Variants in BRWD3 observed in about 807,000 individuals in gnomAD.
The protein encoded by BRWD3 is bromodomain and WD repeat domain containing 3.
A neutral mutation model predicts 149.7 loss-of-function variants in BRWD3; 10 were observed. The observed-to-expected ratio is 0.07, with a 90% CI of 0.04 to 0.11. The LOEUF is 0.11. Ranked by LOEUF, BRWD3 falls within the 10% of genes least tolerant of loss-of-function variation. BRWD3 has a pLI of 1.00. For missense variants in BRWD3, 940 were observed against 1,373.2 expected (o/e 0.68, Z 4.99); for synonymous variants, 504 against 456.7 (o/e 1.10, Z -1.32).
chrX:80,719,352 A>G, intron 18 of BRWD3, 137 bp downstream of exon 18: 1 of 532,196 alleles, frequency 1.9e-6, no homozygotes, highest in South Asian at 3.6e-5. Flanking sequence ...AGACTTCAAT[A>G]TATCTGATAT....
intron 37 of BRWD3, among the ~76,000 whole-genome samples, chrX:80,682,978 A>G (rs751593169): frequency 9.0e-6 from 1 of 111,631 alleles, no homozygotes; most frequent in South Asian, 3.7e-4. Flanking sequence ...GTCCTAAGGA[A>G]ATATCACAGA....
At chrX:80,742,285 C>T (rs915649760) in intron 8 of BRWD3, among the ~76,000 whole-genome samples, 1 of 110,380 alleles carries the variant, frequency 9.1e-6, no homozygotes, top group Admixed American at 9.7e-5. Context: ...TGTTTTAGTA[C>T]CAGTACCATG....
rs763443134 is a variant in BRWD3, at chrX:80,801,030, C to T, written c.181-7258G>A. Among the ~76,000 whole-genome samples, 3 of 108,998 alleles carry T rather than the reference C, an allele frequency of 2.8e-5. No homozygotes were observed. The South Asian group carries it at 1.2e-3, about 44-fold the overall frequency. The allele number at this position is 108,998 out of a possible 115,157, so 94.7% of individuals were successfully genotyped here. The stretch of plus-strand genomic sequence containing the variant: ...CAAGGACAGGGGACCCACCCACATT[C>T]TAGTAGGTGCTCAGTAGAGAAAAGT... On this transcript the variant is annotated intron_variant, in intron 4 of 40. Transcript: ENST00000373275.
intron 9 of BRWD3, 58 bp from the exon 10 acceptor site, chrX:80,735,255 T>C (rs893246899): frequency 2.8e-5 from 26 of 927,124 alleles, no homozygotes; most frequent in Admixed American, 2.7e-4. Context: ...TGGGCCAGAA[T>C]GTTAGCGCAC....
intron 6 of BRWD3, among the ~76,000 whole-genome samples, chrX:80,787,342 T>G (rs1569287703): frequency 8.9e-6 from 1 of 111,754 alleles, no homozygotes; most frequent in Non-Finnish European, 1.9e-5. Flanking sequence ...AGTACCTTCT[T>G]TTTGGGGAAA....
Position 80,685,469 on chromosome X carries a change from A to G in BRWD3, c.4073T>C (p.Leu1358Pro). The G allele has an allele frequency of 8.3e-7, 1 of 1,205,818 alleles. No homozygotes were observed. Among genetic ancestry groups the G allele is most frequent in the Non-Finnish European group, 1.1e-6 (1 of 890,562 alleles). Residue 1358 changes from leucine to proline, a missense_variant, in exon 36 of 41, where the codon CTT becomes CCT. Coordinates refer to ENST00000373275, the MANE Select transcript of BRWD3 (RefSeq NM_153252.5). The part of the protein sequence containing the change: ...VVPERQQDSS[L>P]SEDYQDVIDT... ...AGAGACTACCAGGCCTACCTCAGAA[A>G]GAGATGAATCTTGTTGTCTTTCTGG...
At chrX:80,792,901 C>T (rs1291913903) in intron 5 of BRWD3, among the ~76,000 whole-genome samples, 1 of 110,239 alleles carries the variant, frequency 9.1e-6, no homozygotes, top group African/African-American at 3.3e-5. Context: ...CAGTGGTTTA[C>T]GCCTGTAATC....
chrX:80,739,116 G>A (rs192154518), intron 8 of BRWD3, among the ~76,000 whole-genome samples: 1 of 111,926 alleles, frequency 8.9e-6, no homozygotes, highest in Admixed American at 9.5e-5. Context: ...CTAGACCACA[G>A]GTGATAGTGC....
At chrX:80,764,707 C>T (rs2073840105) in intron 6 of BRWD3, among the ~76,000 whole-genome samples, 2 of 110,533 alleles carry the variant, frequency 1.8e-5, no homozygotes, top group African/African-American at 6.6e-5. Context: ...AAATTTCAGA[C>T]TTTGAAAGCC....
At chrX:80,721,411 T>C (rs1267275938) in intron 17 of BRWD3, among the ~76,000 whole-genome samples, 2 of 111,954 alleles carry the variant, frequency 1.8e-5, no homozygotes. Context: ...ACATGTGTAA[T>C]ACCATTTCCC....
intron 8 of BRWD3, among the ~76,000 whole-genome samples, chrX:80,741,172 T>G (rs1213398405): frequency 1.8e-5 from 2 of 110,964 alleles, no homozygotes; most frequent in African/African-American, 6.6e-5. Context: ...CGGTTTTTTG[T>G]CCTTGCGATA....
Position 80,743,405 on chromosome X carries a change from C to T in BRWD3, c.813+627G>A, listed in dbSNP as rs967632195. Among the ~76,000 whole-genome samples, 3 of 111,528 alleles carry T rather than the reference C, an allele frequency of 2.7e-5. No homozygotes were observed. In the Admixed American group the frequency reaches 2.9e-4, roughly 11 times the overall value. On this transcript the variant is annotated intron_variant, in intron 8 of 40. Transcript: ENST00000373275. ...GGCTTTGATATCAGGATGATGCTGG[C>T]CTCATAAAATGAGTTAGGGAGGATT...
At chrX:80,687,803 T>C (rs893821879) in intron 34 of BRWD3, among the ~76,000 whole-genome samples, 7 of 109,563 alleles carry the variant, frequency 6.4e-5, no homozygotes, top group African/African-American at 2.3e-4. Flanking sequence ...AAGAGTGTAA[T>C]ATGTGACCCC....
chrX:80,733,609 T>A (rs1038606300), intron 11 of BRWD3, 113 bp from the exon 12 acceptor site: 6 of 556,673 alleles, frequency 1.1e-5, no homozygotes, highest in African/African-American at 4.8e-5. Context: ...TTTTTTTTTT[T>A]AATTTCAATG....
chrX:80,770,630 T>C lies in BRWD3; in HGVS notation c.430+21224A>G, dbSNP rs779285503. On this transcript the variant is annotated intron_variant, in intron 6 of 40. Transcript: ENST00000373275. ...AACAATACAAGCTACTTATGACAAA[T>C]CCACAGCCAATATCATACTGAATGG... 8.1e-5 allele frequency among the ~76,000 whole-genome samples: 9 copies of C among 111,419 alleles called. No individual in the cohort carries two copies. In the South Asian group the frequency reaches 2.6e-3, roughly 32 times the overall value.
chrX:80,739,095 A>G (rs1370374035), intron 8 of BRWD3, among the ~76,000 whole-genome samples: 1 of 112,019 alleles, frequency 8.9e-6, no homozygotes, highest in Non-Finnish European at 1.9e-5. Flanking sequence ...TTAGAAGTCT[A>G]TTTCAATAAT....
chrX:80,734,774 G>T (rs2073380545), intron 10 of BRWD3, among the ~76,000 whole-genome samples: 1 of 111,203 alleles, frequency 9.0e-6, no homozygotes, highest in Admixed American at 9.6e-5. Context: ...CTGTAAAAGT[G>T]TTTTCAATAT....
chrX:80,781,932 C>G (rs1353452431), intron 6 of BRWD3, among the ~76,000 whole-genome samples: 4 of 111,720 alleles, frequency 3.6e-5, no homozygotes, highest in African/African-American at 1.3e-4. Flanking sequence ...CCATTCTACT[C>G]AAAGTAATCT....
chrX:80,724,119 G>T (rs1303925317), intron 15 of BRWD3, among the ~76,000 whole-genome samples: 1 of 111,726 alleles, frequency 9.0e-6, no homozygotes, highest in African/African-American at 3.3e-5. Context: ...AATACTAAAT[G>T]AGTGACTGTG....
Sources: gnomAD v4.1 joint callset for allele counts (sites outside exome capture counted in the v4.1 genomes callset) on GRCh38, gnomAD v4.1.1 for gene constraint, MANE v1.5 for transcripts, NCBI Gene and HGNC (gene_info 2026-07-23, HGNC 2026-07-21) for gene names.